ARFGAP2: variants seen among roughly 807,000 people sequenced by gnomAD.
ARFGAP2 encodes the protein ARF GTPase activating protein 2.
Under a neutral mutation model 71.9 loss-of-function variants are expected in ARFGAP2, and 45 were observed. That is an observed-to-expected ratio of 0.63 (90% CI 0.49 to 0.80). ARFGAP2 has a LOEUF of 0.80. Ranked by LOEUF, ARFGAP2 falls within the 30% of genes least tolerant of loss-of-function variation. ARFGAP2 has a pLI of 0.00. For synonymous variants in ARFGAP2, 248 were observed against 249.2 expected, an observed-to-expected ratio of 1.00 and a Z score of 0.05; for missense variants, 633 against 673.9, an observed-to-expected ratio of 0.94 and a Z score of 0.67.
intron 10 of ARFGAP2, 123 bp from the exon 11 acceptor site, chr11:47,168,374 A>C (rs1307226861): frequency 1.5e-6 from 2 of 1,361,934 alleles, no homozygotes; most frequent in African/African-American, 2.9e-5. Flanking sequence ...TTCTGTCCTT[A>C]CCCAAGCACA....
At position 47,164,383 on chromosome 11, in the gene ARFGAP2, A is replaced by T. The variant is rs1051311068; in HGVS notation, c.*1099T>A. 4.6e-6 allele frequency: 5 copies of T among 1,082,630 alleles called. No individual in the cohort carries two copies. The highest frequency in any genetic ancestry group is 6.2e-5 in the Admixed American group (2 of 32,362). The allele number at this position is 1,082,630 out of a possible 1,614,324, so 67.1% of individuals were successfully genotyped here. A position where few individuals can be genotyped will look rare whatever the true frequency, so the allele number is the denominator to read the frequency against. On this transcript the variant is annotated 3_prime_UTR_variant, in exon 16 of 16. Coordinates refer to ENST00000524782, the MANE Select transcript of ARFGAP2 (RefSeq NM_032389.6). ...GTTTCAATACAAACAGTCCAGAAAGAAAGTCAAGTCCCTCTGGGGGAGGGG... is the reference window on the plus strand; with the variant it reads ...GTTTCAATACAAACAGTCCAGAAAGTAAGTCAAGTCCCTCTGGGGGAGGGG...
chr11:47,176,588 G>C lies in ARFGAP2; in HGVS notation c.119C>G (p.Thr40Arg). 1 of 1,614,134 alleles carries C rather than the reference G, an allele frequency of 6.2e-7. No homozygotes were observed. Among genetic ancestry groups the C allele is most frequent in the Non-Finnish European group, 8.5e-7 (1 of 1,180,044 alleles). Residue 40 changes from threonine (T) to arginine (R), a missense_variant, in exon 2 of 16, where the codon ACG (threonine) becomes AGG (arginine). Thr to Arg is a moderately conservative substitution (Grantham distance 71). Transcript: ENST00000524782. ...GTCAATGCACAAGAAAACACCGTAC[G>C]TGATGCTGGCCCAACTCGGATTCTT... ...GAKNPSWASI[T>R]YGVFLCIDCS... is the part of the protein sequence containing the mutation.
At chr11:47,172,354 C>G in intron 7 of ARFGAP2, 21 bp from the exon 8 acceptor site, 1 of 1,614,058 alleles carries the variant, frequency 6.2e-7, no homozygotes, top group Non-Finnish European at 8.5e-7. Context: ...AACGGGTAGG[C>G]ATGAGCTAAG....
At chr11:47,171,989 C>T (rs1952618178) in intron 8 of ARFGAP2, 189 bp from the exon 9 acceptor site, 1 of 916,730 alleles carries the variant, frequency 1.1e-6, no homozygotes. Context: ...GCTCACACAG[C>T]CCCAGCAGAG....
chr11:47,164,512 T>A lies in ARFGAP2; in HGVS notation c.*970A>T. On this transcript the variant is annotated 3_prime_UTR_variant, in exon 16 of 16. Coordinates refer to ENST00000524782, the MANE Select transcript of ARFGAP2 (RefSeq NM_032389.6). ...CGGCAGGGGAAGATGGCACCAAGAA[T>A]GACAGTGCTTGGCTCAGCTGCCAGA... The A allele has an allele frequency of 1.0e-5, 3 of 298,204 alleles. No homozygotes were observed. The highest frequency in any genetic ancestry group is 1.9e-5 in the Non-Finnish European group (3 of 157,474). 18.5% of individuals were successfully genotyped at this position (298,204 alleles called of 1,614,324 possible).
chr11:47,171,825 C>T (rs774140127), intron 8 of ARFGAP2, 25 bp from the exon 9 acceptor site: 2 of 1,611,224 alleles, frequency 1.2e-6, no homozygotes, highest in Non-Finnish European at 1.7e-6. Context: ...ATGTAAGGGG[C>T]CTTCCCAATC....
intron 1 of ARFGAP2, 57 bp downstream of exon 1, chr11:47,176,725 C>T: frequency 1.9e-6 from 3 of 1,612,252 alleles, no homozygotes; most frequent in Non-Finnish European, 2.5e-6. Context: ...CTCCGCCCTT[C>T]TCCCTCCCTC....
At chr11:47,176,117 T>A in intron 2 of ARFGAP2, 194 bp from the exon 3 acceptor site, 1 of 623,588 alleles carries the variant, frequency 1.6e-6, no homozygotes, top group Admixed American at 2.8e-5. Flanking sequence ...GAGTACTAAT[T>A]ATGTCCCCAG....
Position 47,165,606 on chromosome 11 carries a change from G to A in ARFGAP2, c.1546-104C>T, listed in dbSNP as rs915886100. On this transcript the variant is annotated intron_variant, in intron 15 of 15. Coordinates refer to ENST00000524782, the MANE Select transcript of ARFGAP2 (RefSeq NM_032389.6). Reference sequence around the variant, plus strand: ...TGCCCCAGCACCCCACAGCAAGACTGGGGAGGCAGGGGCTGGACAGCCCGG... The same window carrying A: ...TGCCCCAGCACCCCACAGCAAGACTAGGGAGGCAGGGGCTGGACAGCCCGG... The A allele has an allele frequency of 3.9e-6, 5 of 1,284,804 alleles. No homozygotes were observed. In the East Asian group the frequency reaches 7.8e-5, roughly 20 times the overall value. 79.6% of individuals were successfully genotyped at this position (1,284,804 alleles called of 1,614,324 possible).
At chr11:47,172,992 T>G (rs1236147529) in intron 7 of ARFGAP2, 9 of 350,868 alleles carry the variant, frequency 2.6e-5, no homozygotes, top group Non-Finnish European at 4.4e-5. Flanking sequence ...CTAAGGAAAA[T>G]GTAGGAAAGA....
At chr11:47,165,815 G>A (rs968976463) in intron 15 of ARFGAP2, among the ~76,000 whole-genome samples, 1 of 152,124 alleles carries the variant, frequency 6.6e-6, no homozygotes, top group African/African-American at 2.4e-5. Flanking sequence ...GCACGGAGCT[G>A]AAAGGAAGGA....
Position 47,176,500 on chromosome 11 carries a change from C to A in ARFGAP2, c.191+16G>T, listed in dbSNP as rs772717343. The A allele has an allele frequency of 1.2e-6, 2 of 1,611,126 alleles. No individual in the cohort carries two copies. The highest frequency in any genetic ancestry group is 1.7e-5 in the Admixed American group (1 of 59,984). ...GCCGGCCGGGTGGAAACACGGCAAC[C>A]GCGCGGAGAGCCTACCTGATGAAGC... On this transcript the variant is annotated intron_variant, in intron 2 of 15. Transcript: ENST00000524782.
intron 2 of ARFGAP2, chr11:47,176,151 A>G: frequency 1.7e-6 from 1 of 598,392 alleles, no homozygotes; most frequent in South Asian, 2.0e-5. Context: ...TCACATTCTC[A>G]GGCACGCACG....
intron 2 of ARFGAP2, 50 bp downstream of exon 2, chr11:47,176,441 GCAGCCACTCTCCCTTGTTGCCCAGA>G: frequency 7.2e-7 from 1 of 1,397,550 alleles, no homozygotes; most frequent in Admixed American, 1.7e-5. Context: ...CCAAGTCGAG[GCAGCCACTCTCCCTTGTTGCCCAGA>G]CACCCCTGGC....
rs1952310851 is a variant in ARFGAP2 at position 47,165,496 on chromosome 11, A to G, written c.1552T>C (p.Tyr518His). 3 of 1,569,764 alleles carry G rather than the reference A, an allele frequency of 1.9e-6. No homozygotes were observed. The highest frequency in any genetic ancestry group is 2.6e-6 in the Non-Finnish European group (3 of 1,158,910). ...NGVMNSLQDR[Y>H]GSY ...CAGAGCTCGGATCAGTAGGAACCGT[A>G]GCGATCCTGGGGGCGAGGGGGGAGA... Residue 518 changes from tyrosine (Y) to histidine (H), a missense_variant, in exon 16 of 16, where the codon TAC (tyrosine) becomes CAC (histidine). Transcript: ENST00000524782.
intron 15 of ARFGAP2, 55 bp downstream of exon 15, chr11:47,166,213 G>A: frequency 3.2e-6 from 5 of 1,555,200 alleles, no homozygotes; most frequent in Middle Eastern, 1.7e-4. Context: ...GTCTCTATGT[G>A]GTGGCGAAGG....
chr11:47,176,454 CTTG>C, intron 2 of ARFGAP2, 59 bp downstream of exon 2: 9 of 1,506,424 alleles, frequency 6.0e-6, no homozygotes, highest in African/African-American at 1.4e-5. Context: ...GCCACTCTCC[CTTG>C]TTGCCCAGAC....
chr11:47,173,262 T>C, intron 7 of ARFGAP2, 164 bp downstream of exon 7: 1 of 825,450 alleles, frequency 1.2e-6, no homozygotes, highest in South Asian at 1.6e-5. Context: ...CTAAAATCAG[T>C]GTTGCATCCA....
chr11:47,174,060 G>A (rs894107295), intron 5 of ARFGAP2: 3 of 788,708 alleles, frequency 3.8e-6, no homozygotes, highest in African/African-American at 3.5e-5. Flanking sequence ...CTTAGAGCCA[G>A]AGCCCATTCT....
Sources: gnomAD v4.1 joint callset for allele counts (sites outside exome capture counted in the v4.1 genomes callset) on GRCh38, gnomAD v4.1.1 for gene constraint, MANE v1.5 for transcripts, NCBI Gene and HGNC (gene_info 2026-07-23, HGNC 2026-07-21) for gene names.